The following PKP4 variants were observed in gnomAD, a reference collection of about 807,000 sequenced individuals.
PKP4 encodes the protein plakophilin 4.
A neutral mutation model predicts 145.1 loss-of-function variants in PKP4; 90 were observed. The ratio of observed to expected loss-of-function variants is 0.62; its 90% CI spans 0.52 to 0.74. The LOEUF (loss-of-function observed/expected upper bound fraction) is 0.74. Ranked by LOEUF, PKP4 falls within the 30% of genes least tolerant of loss-of-function variation. PKP4 has a pLI of 0.00. For missense variants in PKP4, 1,340 were observed against 1,482.7 expected, an observed-to-expected ratio of 0.90 and a Z score of 1.58; for synonymous variants, 563 against 577.2, an observed-to-expected ratio of 0.98 and a Z score of 0.35.
At chr2:158,634,429 G>T in intron 9 of PKP4, 140 bp downstream of exon 9, 1 of 600,506 alleles carries the variant, frequency 1.7e-6, no homozygotes, top group Non-Finnish European at 2.9e-6. Context: ...AATACTTCCA[G>T]TTGTATTCCA....
chr2:158,564,672 A>T (rs1188318262), intron 2 of PKP4, among the ~76,000 whole-genome samples: 1 of 152,088 alleles, frequency 6.6e-6, no homozygotes, highest in Non-Finnish European at 1.5e-5. Context: ...CCGCTTTTTT[A>T]AATGTTTGCC....
intron 1 of PKP4, among the ~76,000 whole-genome samples, chr2:158,498,552 CT>C (rs1178503250): frequency 6.6e-6 from 1 of 152,184 alleles, no homozygotes; most frequent in African/African-American, 2.4e-5. Flanking sequence ...TCAGTTTTCT[CT>C]TCAGCATTCC....
intron 1 of PKP4, among the ~76,000 whole-genome samples, chr2:158,525,796 G>C (rs1427194594): frequency 6.9e-6 from 1 of 144,640 alleles, no homozygotes; most frequent in Non-Finnish European, 1.5e-5. Context: ...AAATGATAAA[G>C]GGGATATCAC....
At chr2:158,472,476 A>G (rs1326711261) in intron 1 of PKP4, among the ~76,000 whole-genome samples, 2 of 151,836 alleles carry the variant, frequency 1.3e-5, no homozygotes, top group Non-Finnish European at 2.9e-5. Flanking sequence ...GGCCTAGGGC[A>G]GTGGCAGGCG....
At chr2:158,623,661 C>G (rs974359902) in intron 6 of PKP4, among the ~76,000 whole-genome samples, 1 of 152,188 alleles carries the variant, frequency 6.6e-6, no homozygotes, top group South Asian at 2.1e-4. Context: ...AGCCCAGTTG[C>G]ATGCGACACC....
chr2:158,554,842 T>A (rs1356564097), intron 2 of PKP4, among the ~76,000 whole-genome samples: 2 of 152,184 alleles, frequency 1.3e-5, no homozygotes, highest in African/African-American at 2.4e-5. Flanking sequence ...GAAGGTAGTT[T>A]CTTTAGATAA....
Position 158,631,745 on chromosome 2 carries a change from G to A in PKP4, c.1154-8G>A. On this transcript the variant is annotated splice_polypyrimidine_tract_variant and splice_region_variant and intron_variant, in intron 7 of 21. Transcript: ENST00000389759. ...CAGTTCTTAACGATGTAATTTTTGT[G>A]CCTCTAGGCTTACGGAGTTCCTATG... is the stretch of plus-strand genomic sequence containing the variant. 6.2e-7 allele frequency: 1 copy of A among 1,611,778 alleles called. No homozygotes were observed. The highest frequency in any genetic ancestry group is 8.5e-7 in the Non-Finnish European group (1 of 1,178,042).
At chr2:158,603,047 T>G (rs2050356461) in intron 3 of PKP4, 23 bp from the exon 4 acceptor site, 1 of 1,430,280 alleles carries the variant, frequency 7.0e-7, no homozygotes, top group African/African-American at 1.4e-5. Flanking sequence ...AAATGTTCCA[T>G]TTTTTTCTTT....
At chr2:158,657,684 G>A (rs1476147244) in intron 11 of PKP4, among the ~76,000 whole-genome samples, 1 of 152,130 alleles carries the variant, frequency 6.6e-6, no homozygotes, top group Non-Finnish European at 1.5e-5. Context: ...TCAAGAAAAA[G>A]AAATATTTTT....
chr2:158,608,042 A>G (rs949392454), intron 4 of PKP4, among the ~76,000 whole-genome samples: 2 of 152,242 alleles, frequency 1.3e-5, no homozygotes, highest in Admixed American at 1.3e-4. Context: ...ACATTTCAAA[A>G]TAACAAAAGT....
intron 11 of PKP4, among the ~76,000 whole-genome samples, chr2:158,651,113 G>A (rs1052842564): frequency 2.0e-5 from 3 of 152,148 alleles, no homozygotes; most frequent in Middle Eastern, 3.2e-3. Flanking sequence ...TCCCTGTCTC[G>A]TAATTGTTTT....
At chr2:158,662,012 G>A (rs772977558) in intron 13 of PKP4, among the ~76,000 whole-genome samples, 7 of 152,250 alleles carry the variant, frequency 4.6e-5, no homozygotes, top group East Asian at 3.9e-4. Flanking sequence ...CAGCTGTGAC[G>A]ACCATCCAGG....
At chr2:158,623,460 G>A (rs2052454415) in intron 6 of PKP4, among the ~76,000 whole-genome samples, 1 of 152,046 alleles carries the variant, frequency 6.6e-6, no homozygotes, top group Non-Finnish European at 1.5e-5. Context: ...AGGGATTATA[G>A]GTGTCAGCCA....
chr2:158,642,839 G>C (rs1433106372), intron 11 of PKP4, 140 bp downstream of exon 11: 1 of 505,000 alleles, frequency 2.0e-6, no homozygotes, highest in Non-Finnish European at 3.4e-6. Context: ...AACTGTGAAG[G>C]CTGAGAATTA....
chr2:158,618,325 C>T (rs2051845845), intron 4 of PKP4, among the ~76,000 whole-genome samples: 1 of 152,024 alleles, frequency 6.6e-6, no homozygotes. Flanking sequence ...CCTTTAAACC[C>T]AGTTACTTAG....
chr2:158,583,495 A>G (rs1051321975), intron 3 of PKP4, among the ~76,000 whole-genome samples: 12 of 152,250 alleles, frequency 7.9e-5, no homozygotes, highest in African/African-American at 2.4e-4. Context: ...TCTATCATTC[A>G]GAGATAACTA....
At position 158,576,322 on chromosome 2, in the gene PKP4, G is replaced by A. The variant is rs532944692; in HGVS notation, c.133-949G>A. On this transcript the variant is annotated intron_variant, in intron 2 of 21. Transcript: ENST00000389759. ...TAGTTTCTAGATTTAATACTCATAT[G>A]TCTGGTATTTTGAACTAGCAGTCAT... is the stretch of plus-strand genomic sequence containing the variant. Among the ~76,000 whole-genome samples, 5 of 152,264 alleles carry A rather than the reference G, an allele frequency of 3.3e-5. No individual in the cohort carries two copies. The East Asian group carries it at 5.8e-4, about 18-fold the overall frequency.
At chr2:158,487,014 C>T (rs1694261177) in intron 1 of PKP4, among the ~76,000 whole-genome samples, 1 of 152,168 alleles carries the variant, frequency 6.6e-6, no homozygotes, top group African/African-American at 2.4e-5. Context: ...AGTTCTGTAC[C>T]TATTCCCAGC....
At chr2:158,669,635 A>T in intron 16 of PKP4, 85 bp from the exon 17 acceptor site, 1 of 1,090,518 alleles carries the variant, frequency 9.2e-7, no homozygotes, top group Non-Finnish European at 1.2e-6. Flanking sequence ...TATTTTTAAG[A>T]GATTGCATGC....
Sources: gnomAD v4.1 joint callset for allele counts (sites outside exome capture counted in the v4.1 genomes callset) on GRCh38, gnomAD v4.1.1 for gene constraint, MANE v1.5 for transcripts, NCBI Gene and HGNC (gene_info 2026-07-23, HGNC 2026-07-21) for gene names.